Variants in CADPS2 observed in about 807,000 individuals in gnomAD.
CADPS2 encodes calcium dependent secretion activator 2.
In CADPS2, 93 loss-of-function variants were observed where a neutral mutation model predicts 172.5. That is an observed-to-expected ratio of 0.54 (90% CI 0.46 to 0.64). The LOEUF (loss-of-function observed/expected upper bound fraction) is 0.64, where lower values mean the gene tolerates loss of function less well. Ranked by LOEUF, CADPS2 falls within the 30% of genes least tolerant of loss-of-function variation. The probability of loss-of-function intolerance (pLI) is 0.00; values close to 1 mark genes in which losing one functional copy is unlikely to be tolerated. For synonymous variants in CADPS2, 546 were observed against 555.2 expected (o/e 0.98, Z 0.23); for missense variants, 1,420 against 1,565.9 (o/e 0.91, Z 1.57).
chr7:122,745,980 A>G (rs1285881488), intron 1 of CADPS2, among the ~76,000 whole-genome samples: 2 of 152,168 alleles, frequency 1.3e-5, no homozygotes, highest in Admixed American at 6.5e-5. Flanking sequence ...AGATTCCCCT[A>G]CAAGTTGTAG....
chr7:122,653,532 A>G (rs2079406285), intron 3 of CADPS2, among the ~76,000 whole-genome samples: 1 of 152,198 alleles, frequency 6.6e-6, no homozygotes, highest in African/African-American at 2.4e-5. Context: ...TTGGAATATA[A>G]CAAAAGAAAA....
At chr7:122,367,464 G>C (rs1335580866) in intron 25 of CADPS2, among the ~76,000 whole-genome samples, 1 of 149,148 alleles carries the variant, frequency 6.7e-6, no homozygotes, top group Non-Finnish European at 1.5e-5. Flanking sequence ...TGGAGGCCCT[G>C]TTCAGCAGTG....
rs79165162 is a variant in CADPS2, at chr7:122,372,059, A to T, written c.3387+7309T>A. 8.0e-3 allele frequency among the ~76,000 whole-genome samples: 1,217 copies of T among 152,322 alleles called. 12 individuals carry two copies. Among genetic ancestry groups the T allele is most frequent in the Non-Finnish European group, 0.012 (814 of 68,020 alleles). On this transcript the variant is annotated intron_variant, in intron 25 of 29. Transcript: ENST00000449022. ...GTTCTAAGACTCTATCTGTATTAAC[A>T]TACTTACTATTCACTAACACTAATA... is the stretch of plus-strand genomic sequence containing the variant.
intron 1 of CADPS2, among the ~76,000 whole-genome samples, chr7:122,758,612 A>AT (rs1447308920): frequency 6.6e-6 from 1 of 152,192 alleles, no homozygotes; most frequent in East Asian, 1.9e-4. Flanking sequence ...TATTCTTAGA[A>AT]TATGAAATCA....
chr7:122,557,248 T>G (rs1290153130), intron 7 of CADPS2, among the ~76,000 whole-genome samples: 1 of 152,114 alleles, frequency 6.6e-6, no homozygotes, highest in Non-Finnish European at 1.5e-5. Flanking sequence ...AATTTCGCCA[T>G]GAATGAATAG....
At position 122,436,447 on chromosome 7, in the gene CADPS2, A is replaced by C. The variant is rs995161406; in HGVS notation, c.2476+1894T>G. The C allele has an allele frequency of 2.8e-5, 24 of 863,952 alleles. No individual in the cohort carries two copies. In the African/African-American group the frequency reaches 3.9e-4, roughly 14 times the overall value. 53.5% of individuals were successfully genotyped at this position (863,952 alleles called of 1,614,324 possible). A position where few individuals can be genotyped will look rare whatever the true frequency, so the allele number is the denominator to read the frequency against. ...TACCCTTGTCGTTCATATAATGTAA[A>C]AGGCCACTTTCTAACTTAAGTTTGA... On this transcript the variant is annotated intron_variant, in intron 17 of 29. Transcript: ENST00000449022.
chr7:122,840,506 A>G (rs1810133039), intron 1 of CADPS2, among the ~76,000 whole-genome samples: 1 of 152,026 alleles, frequency 6.6e-6, no homozygotes, highest in African/African-American at 2.4e-5. Flanking sequence ...ATCTCATTAA[A>G]TAAATTGTGA....
chr7:122,755,733 A>C (rs2093131879), intron 1 of CADPS2, among the ~76,000 whole-genome samples: 1 of 152,094 alleles, frequency 6.6e-6, no homozygotes, highest in Non-Finnish European at 1.5e-5. Flanking sequence ...AGAGGCTAAA[A>C]AAAAAAAAGG....
At chr7:122,721,391 T>G (rs1243423737) in intron 2 of CADPS2, among the ~76,000 whole-genome samples, 1 of 152,068 alleles carries the variant, frequency 6.6e-6, no homozygotes, top group Non-Finnish European at 1.5e-5. Context: ...CAAACTACCA[T>G]CAGAGATTAC....
intron 20 of CADPS2, among the ~76,000 whole-genome samples, chr7:122,398,426 C>G (rs2045454625): frequency 6.6e-6 from 1 of 152,120 alleles, no homozygotes. Flanking sequence ...AATGATTTTT[C>G]TCCTCAAACT....
chr7:122,722,030 T>A (rs949374344), intron 2 of CADPS2, among the ~76,000 whole-genome samples: 3 of 152,174 alleles, frequency 2.0e-5, no homozygotes, highest in African/African-American at 7.2e-5. Context: ...TTGGTATCGA[T>A]GGGACATATC....
chr7:122,356,193 GA>G (rs1406238140), intron 27 of CADPS2, among the ~76,000 whole-genome samples: 3 of 151,936 alleles, frequency 2.0e-5, no homozygotes, highest in Non-Finnish European at 4.4e-5. Flanking sequence ...GGTCTCCTTG[GA>G]CTCCTCTTGG....
At chr7:122,845,205 G>A (rs938252625) in intron 1 of CADPS2, among the ~76,000 whole-genome samples, 1 of 152,142 alleles carries the variant, frequency 6.6e-6, no homozygotes, top group Non-Finnish European at 1.5e-5. Context: ...GTAAGTGGTG[G>A]CTCAGCAAAT....
intron 25 of CADPS2, among the ~76,000 whole-genome samples, chr7:122,367,709 A>G (rs978593069): frequency 5.8e-5 from 4 of 68,798 alleles, no homozygotes; most frequent in African/African-American, 2.6e-4. Context: ...ATGCCCAGCT[A>G]ATTTTTTTTT....
intron 28 of CADPS2, among the ~76,000 whole-genome samples, chr7:122,342,511 A>T (rs1429191359): frequency 6.6e-6 from 1 of 152,206 alleles, no homozygotes; most frequent in Non-Finnish European, 1.5e-5. Context: ...CAGCTGCATC[A>T]CCTGCAAAGA....
chr7:122,690,368 C>T (rs538877005), intron 2 of CADPS2, among the ~76,000 whole-genome samples: 1 of 152,324 alleles, frequency 6.6e-6, no homozygotes, highest in Non-Finnish European at 1.5e-5. Flanking sequence ...ACAGACAGTA[C>T]ATATGTTCCC....
chr7:122,878,762 C>T (rs1196950138), intron 1 of CADPS2, among the ~76,000 whole-genome samples: 2 of 151,662 alleles, frequency 1.3e-5, no homozygotes, highest in East Asian at 1.9e-4. Flanking sequence ...AGACATACAA[C>T]CTGTAATTAT....
chr7:122,406,935 CAGTT>C (rs1160057893), intron 20 of CADPS2, among the ~76,000 whole-genome samples: 1 of 152,100 alleles, frequency 6.6e-6, no homozygotes, highest in Non-Finnish European at 1.5e-5. Context: ...TGATAAAAAA[CAGTT>C]TGTTTTGTTT....
At chr7:122,454,101 A>G (rs2053465013) in intron 14 of CADPS2, among the ~76,000 whole-genome samples, 1 of 152,182 alleles carries the variant, frequency 6.6e-6, no homozygotes, top group African/African-American at 2.4e-5. Flanking sequence ...TCTAAAGGCA[A>G]CAGTTCCTCC....
Sources: gnomAD v4.1 joint callset for allele counts (sites outside exome capture counted in the v4.1 genomes callset) on GRCh38, gnomAD v4.1.1 for gene constraint, MANE v1.5 for transcripts, NCBI Gene and HGNC (gene_info 2026-07-23, HGNC 2026-07-21) for gene names.